The following CBFA2T2 variants were observed in gnomAD, a reference collection of about 807,000 sequenced individuals.
The protein encoded by CBFA2T2 is protein CBFA2T2.
In CBFA2T2, 11 loss-of-function variants were observed where a neutral mutation model predicts 62.2. The ratio of observed to expected loss-of-function variants is 0.18; its 90% confidence interval spans 0.11 to 0.29. The LOEUF is 0.29. Ranked by LOEUF, CBFA2T2 falls within the 10% of genes least tolerant of loss-of-function variation. The probability of loss-of-function intolerance (pLI) is 1.00; values close to 1 mark genes in which losing one functional copy is unlikely to be tolerated. For missense variants in CBFA2T2, 592 were observed against 774.1 expected, an observed-to-expected ratio of 0.76 and a Z score of 2.79; for synonymous variants, 295 against 287.5, an observed-to-expected ratio of 1.03 and a Z score of -0.27.
intron 1 of CBFA2T2, among the ~76,000 whole-genome samples, chr20:33,534,681 ATTAC>A (rs1408135780): frequency 1.4e-5 from 2 of 146,628 alleles, no homozygotes; most frequent in Non-Finnish European, 3.0e-5. Flanking sequence ...CTCCCAGCGT[ATTAC>A]TTGTCTATTT....
chr20:33,503,043 A>G (rs1340188083), intron 1 of CBFA2T2, among the ~76,000 whole-genome samples: 2 of 134,042 alleles, frequency 1.5e-5, no homozygotes, highest in Non-Finnish European at 1.6e-5. Context: ...GTGAGCTGAG[A>G]TCGCGCCACT....
At chr20:33,596,937 T>TC (rs60760843) in intron 1 of CBFA2T2, among the ~76,000 whole-genome samples, 15 of 132,452 alleles carry the variant, frequency 1.1e-4, no homozygotes, top group African/African-American at 4.4e-4. Context: ...TTTTTTTTTT[T>TC]CTTTCTTTTT....
intron 1 of CBFA2T2, among the ~76,000 whole-genome samples, chr20:33,535,941 G>C (rs189432387): frequency 2.6e-5 from 4 of 152,318 alleles, no homozygotes; most frequent in South Asian, 2.1e-4. Flanking sequence ...ATCCATTTAA[G>C]CCTGAGTGGA....
In CBFA2T2 at chr20:33,560,021, T is replaced by G. The variant is rs76114017; in HGVS notation, c.35-46935T>G. 3.5e-4 allele frequency among the ~76,000 whole-genome samples: 54 copies of G among 152,314 alleles called. No individual in the cohort carries two copies. In the East Asian group the frequency reaches 9.4e-3, roughly 27 times the overall value. On this transcript the variant is annotated intron_variant, in intron 1 of 10. Coordinates refer to ENST00000342704, the MANE Select transcript of CBFA2T2 (RefSeq NM_001032999.3). ...TGCTATTTAGGATCCATAATCTGAGTGCTAGAAGTGAAAGACCCACCTTGT... is the reference window on the plus strand; with the variant it reads ...TGCTATTTAGGATCCATAATCTGAGGGCTAGAAGTGAAAGACCCACCTTGT...
intron 1 of CBFA2T2, among the ~76,000 whole-genome samples, chr20:33,551,263 C>G (rs1171989433): frequency 6.6e-6 from 1 of 150,854 alleles, no homozygotes; most frequent in Non-Finnish European, 1.5e-5. Flanking sequence ...GTCGCCCAGG[C>G]TGGAGTGCAA....
intron 3 of CBFA2T2, among the ~76,000 whole-genome samples, chr20:33,616,871 C>G (rs2015731831): frequency 6.6e-6 from 1 of 152,160 alleles, no homozygotes; most frequent in African/African-American, 2.4e-5. Context: ...ACATCTTTCC[C>G]AAAGCTGCAT....
chr20:33,492,216 A>G (rs190435122), intron 1 of CBFA2T2, among the ~76,000 whole-genome samples: 165 of 151,880 alleles, frequency 1.1e-3, no homozygotes, highest in African/African-American at 3.8e-3. Context: ...ACAGGGTTTC[A>G]CCATATTGGT....
chr20:33,505,526 G>A (rs1600906109), intron 1 of CBFA2T2, among the ~76,000 whole-genome samples: 2 of 152,298 alleles, frequency 1.3e-5, no homozygotes, highest in Admixed American at 6.5e-5. Context: ...GCTCACGCCT[G>A]TAATCCCAGC....
At chr20:33,560,175 T>G (rs904535553) in intron 1 of CBFA2T2, among the ~76,000 whole-genome samples, 7 of 152,198 alleles carry the variant, frequency 4.6e-5, no homozygotes, top group Non-Finnish European at 8.8e-5. Flanking sequence ...TGTAGGCAAT[T>G]TGATACCGGC....
intron 1 of CBFA2T2, among the ~76,000 whole-genome samples, chr20:33,508,257 G>A (rs988123707): frequency 6.6e-6 from 1 of 151,988 alleles, no homozygotes; most frequent in Admixed American, 6.6e-5. Context: ...ACCACACCTG[G>A]CTAATTTTTG....
intron 1 of CBFA2T2, among the ~76,000 whole-genome samples, chr20:33,565,535 CATA>C (rs2013274572): frequency 6.6e-6 from 1 of 152,070 alleles, no homozygotes; most frequent in Non-Finnish European, 1.5e-5. Flanking sequence ...TTTCAGGAAA[CATA>C]ATAAATAAGA....
At chr20:33,589,296 T>C (rs1339051849) in intron 1 of CBFA2T2, among the ~76,000 whole-genome samples, 1 of 152,200 alleles carries the variant, frequency 6.6e-6, no homozygotes, top group African/African-American at 2.4e-5. Flanking sequence ...TCTCCCTTTG[T>C]CTTTATCTGT....
At chr20:33,640,570 G>A in intron 10 of CBFA2T2, 39 bp downstream of exon 10, 7 of 1,594,990 alleles carry the variant, frequency 4.4e-6, no homozygotes, top group Non-Finnish European at 6.0e-6. Flanking sequence ...GTGAGCAGCT[G>A]GAGTGACCAC....
chr20:33,590,407 G>C (rs1024200674), intron 1 of CBFA2T2, among the ~76,000 whole-genome samples: 2 of 152,018 alleles, frequency 1.3e-5, no homozygotes. Context: ...ACCAGATTGC[G>C]TTAAACACAT....
intron 1 of CBFA2T2, among the ~76,000 whole-genome samples, chr20:33,604,634 G>A (rs886086450): frequency 3.3e-5 from 5 of 152,072 alleles, no homozygotes; most frequent in Non-Finnish European, 5.9e-5. Context: ...TCTGCATTTG[G>A]GCTGCTCTAA....
Position 33,645,029 on chromosome 20 carries a change from C to A in CBFA2T2, c.*383C>A. The A allele has an allele frequency of 5.0e-6, 1 of 199,702 alleles. No individual in the cohort carries two copies. 12.4% of individuals were successfully genotyped at this position (199,702 alleles called of 1,614,324 possible). ...GCTGGAGGCGGCAGGCGGCAGGCAG[C>A]AGGCTGTGGAGGAGGCCCCTCGGTC... On this transcript the variant is annotated 3_prime_UTR_variant, in exon 11 of 11. Coordinates refer to ENST00000342704, the MANE Select transcript of CBFA2T2 (RefSeq NM_001032999.3).
intron 1 of CBFA2T2, among the ~76,000 whole-genome samples, chr20:33,539,481 T>C (rs1202462799): frequency 6.6e-6 from 1 of 152,170 alleles, no homozygotes. Flanking sequence ...TTTCCTATCA[T>C]TGTTTACATC....
At position 33,528,538 on chromosome 20, in the gene CBFA2T2, A is replaced by G. The variant is rs539471530; in HGVS notation, c.34+38237A>G. ...GAGGATCCCAGATGAGGGCTTTATT[A>G]TCAGCCTTTGACTGAAGTCTCAGTT... On this transcript the variant is annotated intron_variant, in intron 1 of 10. Transcript: ENST00000342704. 7.9e-5 allele frequency among the ~76,000 whole-genome samples: 12 copies of G among 152,240 alleles called. No homozygotes were observed. In the South Asian group the frequency reaches 1.9e-3, roughly 24 times the overall value.
At chr20:33,501,630 CTTTTTT>C (rs869281966) in intron 1 of CBFA2T2, among the ~76,000 whole-genome samples, 93 of 63,254 alleles carry the variant, frequency 1.5e-3, no homozygotes, top group African/African-American at 5.6e-3. Flanking sequence ...CTTAGCCTTC[CTTTTTT>C]TTTTTTTTTT....
Sources: gnomAD v4.1 joint callset for allele counts (sites outside exome capture counted in the v4.1 genomes callset) on GRCh38, gnomAD v4.1.1 for gene constraint, MANE v1.5 for transcripts, NCBI Gene and HGNC (gene_info 2026-07-23, HGNC 2026-07-21) for gene names.